Variants in ABCB5 observed in about 807,000 individuals in gnomAD.
ABCB5 encodes ATP-binding cassette sub-family B member 5.
A neutral mutation model predicts 144.2 loss-of-function variants in ABCB5; 155 were observed. The observed-to-expected ratio is 1.08, with a 90% CI of 0.94 to 1.23. The LOEUF is 1.23. Ranked by LOEUF, ABCB5 falls within the 50% of genes most tolerant of loss-of-function variation. The probability of loss-of-function intolerance (pLI) is 0.00; values close to 1 mark genes in which losing one functional copy is unlikely to be tolerated. For synonymous variants in ABCB5, 610 were observed against 528.6 expected, an observed-to-expected ratio of 1.15 and a Z score of -2.11; for missense variants, 1,830 against 1,520.8, an observed-to-expected ratio of 1.20 and a Z score of -3.38.
chr7:20,716,799 AG>A (rs1781687358), intron 20 of ABCB5, among the ~76,000 whole-genome samples: 2 of 152,218 alleles, frequency 1.3e-5, no homozygotes, highest in African/African-American at 4.8e-5. Flanking sequence ...ACAATCTAGG[AG>A]TTCATTCAGA....
Position 20,717,524 on chromosome 7 carries a change from C to T in ABCB5, c.2422-5492C>T, listed in dbSNP as rs1039425084. Among the ~76,000 whole-genome samples the T allele has an allele frequency of 2.0e-5, 3 of 150,608 alleles. No individual in the cohort carries two copies. The East Asian group carries it at 5.9e-4, about 30-fold the overall frequency. On this transcript the variant is annotated intron_variant, in intron 20 of 27. Transcript: ENST00000404938. ...GTGGCGTTATGTTGGCTCACTGCAA[C>T]CTCCGCCTCCCGGGTTCAAGCGATT...
intron 16 of ABCB5, among the ~76,000 whole-genome samples, chr7:20,695,299 G>A (rs970524044): frequency 1.3e-5 from 2 of 151,472 alleles, no homozygotes; most frequent in Non-Finnish European, 1.5e-5. Flanking sequence ...CAACACAAGG[G>A]CAAAGGCAAC....
At chr7:20,708,006 C>A (rs1445140137) in intron 20 of ABCB5, among the ~76,000 whole-genome samples, 1 of 151,856 alleles carries the variant, frequency 6.6e-6, no homozygotes, top group African/African-American at 2.4e-5. Flanking sequence ...GGGTTTTCAC[C>A]ATGTTAGCCA....
intron 24 of ABCB5, among the ~76,000 whole-genome samples, chr7:20,740,497 G>T (rs1782528746): frequency 6.6e-6 from 1 of 152,088 alleles, no homozygotes; most frequent in African/African-American, 2.4e-5. Context: ...AGACTATCTG[G>T]AAATTCTCAA....
At chr7:20,753,835 C>T (rs2128058268) in intron 27 of ABCB5, among the ~76,000 whole-genome samples, 1 of 152,222 alleles carries the variant, frequency 6.6e-6, no homozygotes, top group Non-Finnish European at 1.5e-5. Flanking sequence ...ATTATTATTC[C>T]AGTGATGCCA....
At chr7:20,617,667 G>C (rs1433518659) in intron 1 of ABCB5, among the ~76,000 whole-genome samples, 1 of 152,028 alleles carries the variant, frequency 6.6e-6, no homozygotes, top group Non-Finnish European at 1.5e-5. Context: ...CCCAAAAATC[G>C]CATTTTTATA....
Position 20,727,156 on chromosome 7 carries a change from T to C in ABCB5, c.2726+16T>C, listed in dbSNP as rs1782063279. Reference sequence around the variant, plus strand: ...CTCAACACAGGTGATTATAGATTCATACTGACTTCAAAAACTTAATTTTGT... The same window carrying C: ...CTCAACACAGGTGATTATAGATTCACACTGACTTCAAAAACTTAATTTTGT... On this transcript the variant is annotated intron_variant, in intron 22 of 27. Transcript: ENST00000404938. The C allele has an allele frequency of 3.8e-6, 6 of 1,599,992 alleles. No individual in the cohort carries two copies. Among genetic ancestry groups the C allele is most frequent in the Non-Finnish European group, 4.3e-6 (5 of 1,170,316 alleles).
intron 1 of ABCB5, among the ~76,000 whole-genome samples, chr7:20,621,796 A>G (rs1403963337): frequency 6.6e-6 from 1 of 152,180 alleles, no homozygotes; most frequent in Non-Finnish European, 1.5e-5. Flanking sequence ...GTATTACTCA[A>G]TAAATATTTC....
intron 15 of ABCB5, among the ~76,000 whole-genome samples, chr7:20,684,730 T>C (rs1785936980): frequency 6.6e-6 from 1 of 152,210 alleles, no homozygotes; most frequent in Non-Finnish European, 1.5e-5. Flanking sequence ...GTTTGGATAG[T>C]CCGGGGCTGG....
chr7:20,699,570 G>A (rs1007925903), intron 17 of ABCB5, among the ~76,000 whole-genome samples: 4 of 151,826 alleles, frequency 2.6e-5, no homozygotes. Context: ...GTGTGGTGGT[G>A]CGCGCCTGTA....
rs1583393381 is a variant in ABCB5, at chr7:20,649,969, T to C, written c.1207-53T>C. On this transcript the variant is annotated intron_variant, in intron 11 of 27. Coordinates refer to ENST00000404938, the MANE Select transcript of ABCB5 (RefSeq NM_001163941.2). ...TATGTACTCATTTTCTGAAAATGTG[T>C]CCATCATCTTCTTATTGTGGTTTTA... 2.6e-6 allele frequency: 4 copies of C among 1,547,466 alleles called. No homozygotes were observed. In the East Asian group the frequency reaches 9.3e-5, roughly 36 times the overall value.
rs528727558 is a variant in ABCB5, at chr7:20,733,539, G to C, written c.2867+5084G>C. Among the ~76,000 whole-genome samples, 7 of 152,088 alleles carry C rather than the reference G, an allele frequency of 4.6e-5. No individual in the cohort carries two copies. The South Asian group carries it at 1.5e-3, about 32-fold the overall frequency. ...ACATAAGAGTAACAATTAAAGAATA[G>C]TACCACCTTGGTATTTCCCAGTGCC... is the stretch of plus-strand genomic sequence containing the variant. On this transcript the variant is annotated intron_variant, in intron 23 of 27. Transcript: ENST00000404938.
chr7:20,616,164 T>A (rs905307337), intron 1 of ABCB5, among the ~76,000 whole-genome samples: 4 of 152,196 alleles, frequency 2.6e-5, no homozygotes, highest in Non-Finnish European at 5.9e-5. Flanking sequence ...GCCTTCTGAG[T>A]AGCTGGGATT....
chr7:20,743,705 G>A (rs1782632076), intron 25 of ABCB5, among the ~76,000 whole-genome samples: 1 of 151,890 alleles, frequency 6.6e-6, no homozygotes, highest in Admixed American at 6.6e-5. Context: ...TTCCTGTCCT[G>A]CCTCCTGCCC....
intron 13 of ABCB5, 79 bp downstream of exon 13, chr7:20,651,702 A>C: frequency 7.0e-7 from 1 of 1,426,270 alleles, no homozygotes; most frequent in Non-Finnish European, 9.8e-7. Context: ...ATGAAACAAC[A>C]ACTGATGCAG....
chr7:20,643,151 C>G, intron 5 of ABCB5, 33 bp from the exon 6 acceptor site: 1 of 1,542,946 alleles, frequency 6.5e-7, no homozygotes. Flanking sequence ...AAATGTTGTG[C>G]TTCAGTCTCA....
intron 16 of ABCB5, among the ~76,000 whole-genome samples, chr7:20,693,005 C>T (rs1786286253): frequency 6.6e-6 from 1 of 152,088 alleles, no homozygotes; most frequent in South Asian, 2.1e-4. Flanking sequence ...ACTTTAATAG[C>T]ACTATCAACA....
chr7:20,728,351 T>G lies in ABCB5; in HGVS notation c.2763T>G (p.Cys921Trp). 6.2e-7 allele frequency: 1 copy of G among 1,614,176 alleles called. No homozygotes were observed. Among genetic ancestry groups the G allele is most frequent in the Non-Finnish European group, 8.5e-7 (1 of 1,180,004 alleles). Residue 921 changes from cysteine (C) to tryptophan (W), a missense_variant, in exon 23 of 28, where the codon TGT (cysteine) becomes TGG (tryptophan). Cys to Trp is a radical substitution (Grantham distance 215, BLOSUM62 -2). Transcript: ENST00000404938. ...TSKKAQIIGS[C>W]YAFSHAFIYF... Reference sequence around the variant, plus strand: ...AGAAAGCACAGATTATTGGAAGCTGTTATGCATTCAGCCATGCCTTTATAT... The same window carrying G: ...AGAAAGCACAGATTATTGGAAGCTGGTATGCATTCAGCCATGCCTTTATAT...
At chr7:20,661,159 C>A (rs1033730215) in intron 14 of ABCB5, among the ~76,000 whole-genome samples, 1 of 152,280 alleles carries the variant, frequency 6.6e-6, no homozygotes. Flanking sequence ...CAATAACTCC[C>A]CACCTCACTC....
Sources: allele counts gnomAD v4.1 joint callset (sites outside exome capture counted in the v4.1 genomes callset), GRCh38; gene constraint gnomAD v4.1.1; transcripts MANE v1.5; gene names NCBI Gene and HGNC (gene_info 2026-07-23, HGNC 2026-07-21).